Variants in NSMCE2 observed in about 807,000 individuals in gnomAD.
NSMCE2 encodes the protein NSE2 SUMO ligase component of SMC5/6 complex.
A neutral mutation model predicts 23.8 loss-of-function variants in NSMCE2; 24 were observed. The observed-to-expected ratio is 1.01, with a 90% CI of 0.73 to 1.42. The LOEUF is 1.42. Ranked by LOEUF, NSMCE2 falls within the 40% of genes most tolerant of loss-of-function variation. NSMCE2 has a pLI of 0.00. For synonymous variants in NSMCE2, 92 were observed against 94.1 expected (o/e 0.98, Z 0.13); for missense variants, 284 against 296.5 (o/e 0.96, Z 0.31).
At chr8:125,297,645 A>G (rs1195712271) in intron 5 of NSMCE2, among the ~76,000 whole-genome samples, 1 of 152,012 alleles carries the variant, frequency 6.6e-6, no homozygotes, top group Non-Finnish European at 1.5e-5. Context: ...AGCCTAGGCA[A>G]CAAAGTGAGA....
At chr8:125,199,690 G>A (rs1823781020) in intron 5 of NSMCE2, among the ~76,000 whole-genome samples, 1 of 152,150 alleles carries the variant, frequency 6.6e-6, no homozygotes. Flanking sequence ...TGTCTATTAG[G>A]TCTGCTTGGT....
At chr8:125,354,765 G>C (rs79078490) in intron 5 of NSMCE2, among the ~76,000 whole-genome samples, 4,891 of 152,238 alleles carry the variant, frequency 0.032, 113 homozygotes, top group African/African-American at 0.07. Context: ...CAGAATCCCT[G>C]TGTTGCAATT....
At chr8:125,304,495 G>A (rs537562701) in intron 5 of NSMCE2, among the ~76,000 whole-genome samples, 7 of 152,296 alleles carry the variant, frequency 4.6e-5, no homozygotes, top group African/African-American at 1.4e-4. Flanking sequence ...CAATGGTTTA[G>A]ACAAAGATGA....
chr8:125,217,034 G>T (rs1322884567), intron 5 of NSMCE2, among the ~76,000 whole-genome samples: 1 of 152,162 alleles, frequency 6.6e-6, no homozygotes, highest in Admixed American at 6.5e-5. Context: ...ATTCCACAAA[G>T]ATTTATTAAG....
chr8:125,293,044 A>G (rs1037230696), intron 5 of NSMCE2, among the ~76,000 whole-genome samples: 4 of 152,226 alleles, frequency 2.6e-5, no homozygotes, highest in Non-Finnish European at 5.9e-5. Flanking sequence ...CTGATACCAT[A>G]TGCTCTTGTC....
chr8:125,274,998 TGA>T (rs1827388854), intron 5 of NSMCE2, among the ~76,000 whole-genome samples: 1 of 36,138 alleles, frequency 2.8e-5, no homozygotes, highest in Non-Finnish European at 6.6e-5. Context: ...AATCTGAAGA[TGA>T]TAATAATAAT....
intron 5 of NSMCE2, among the ~76,000 whole-genome samples, chr8:125,284,563 T>A (rs1379350871): frequency 6.6e-6 from 1 of 152,246 alleles, no homozygotes; most frequent in Admixed American, 6.5e-5. Flanking sequence ...GTTCTTTCTC[T>A]GATTTCTCAC....
At chr8:125,356,416 A>G (rs575876952) in intron 5 of NSMCE2, among the ~76,000 whole-genome samples, 1 of 148,046 alleles carries the variant, frequency 6.8e-6, no homozygotes, top group South Asian at 2.1e-4. Context: ...GCAACCTCCA[A>G]CTTCTGGGTT....
At chr8:125,127,971 T>C (rs1226685073) in intron 3 of NSMCE2, among the ~76,000 whole-genome samples, 1 of 152,232 alleles carries the variant, frequency 6.6e-6, no homozygotes, top group African/African-American at 2.4e-5. Context: ...TGTGGTGTCA[T>C]GTCAGCGCTC....
chr8:125,194,261 C>A (rs566518988), intron 5 of NSMCE2, among the ~76,000 whole-genome samples: 4 of 152,150 alleles, frequency 2.6e-5, no homozygotes, highest in Non-Finnish European at 5.9e-5. Context: ...CTCCTCCCCC[C>A]ATTCCCAGCC....
chr8:125,276,303 A>G (rs1439354457), intron 5 of NSMCE2, among the ~76,000 whole-genome samples: 1 of 152,070 alleles, frequency 6.6e-6, no homozygotes, highest in African/African-American at 2.4e-5. Flanking sequence ...TCCCACTCTG[A>G]TTTGCTTCCA....
At chr8:125,198,261 G>C (rs903450032) in intron 5 of NSMCE2, among the ~76,000 whole-genome samples, 3 of 152,138 alleles carry the variant, frequency 2.0e-5, no homozygotes, top group African/African-American at 7.2e-5. Flanking sequence ...GCCTTATCTT[G>C]TGCCGGTTTT....
At chr8:125,288,655 G>A (rs1827989108) in intron 5 of NSMCE2, among the ~76,000 whole-genome samples, 1 of 152,040 alleles carries the variant, frequency 6.6e-6, no homozygotes, top group African/African-American at 2.4e-5. Flanking sequence ...CATTCTTATA[G>A]ACTTATTTCA....
chr8:125,364,233 C>T (rs190553160), intron 7 of NSMCE2, among the ~76,000 whole-genome samples: 6 of 152,226 alleles, frequency 3.9e-5, no homozygotes, highest in African/African-American at 7.2e-5. Flanking sequence ...TGTGAGCCAC[C>T]GTGCCTGGCC....
intron 3 of NSMCE2, among the ~76,000 whole-genome samples, chr8:125,118,891 A>G (rs138761520): frequency 7.7e-4 from 118 of 152,348 alleles, no homozygotes; most frequent in African/African-American, 2.7e-3. Flanking sequence ...CATATGAATC[A>G]TAAGTATTTA....
At chr8:125,207,703 C>T (rs553862649) in intron 5 of NSMCE2, among the ~76,000 whole-genome samples, 1 of 152,320 alleles carries the variant, frequency 6.6e-6, no homozygotes, top group South Asian at 2.1e-4. Flanking sequence ...TGGGGTTTAG[C>T]TGGGTGAGTC....
chr8:125,143,232 A>C (rs1820479568), intron 3 of NSMCE2, among the ~76,000 whole-genome samples: 1 of 152,118 alleles, frequency 6.6e-6, no homozygotes, highest in South Asian at 2.1e-4. Context: ...GTGGGGTCAG[A>C]GGTATGCTTG....
chr8:125,184,932 C>CAG (rs1288450637), intron 5 of NSMCE2, among the ~76,000 whole-genome samples: 1 of 151,986 alleles, frequency 6.6e-6, no homozygotes, highest in African/African-American at 2.4e-5. Flanking sequence ...AAATAGAGGC[C>CAG]AGAGAGAGAG....
chr8:125,177,878 G>A (rs772450199), intron 4 of NSMCE2, among the ~76,000 whole-genome samples: 19 of 151,762 alleles, frequency 1.3e-4, no homozygotes, highest in African/African-American at 3.9e-4. Context: ...TTCTAGCTTC[G>A]TACTAGGTAA....
Sources: allele counts gnomAD v4.1 joint callset (sites outside exome capture counted in the v4.1 genomes callset), GRCh38; gene constraint gnomAD v4.1.1; transcripts MANE v1.5; gene names NCBI Gene and HGNC (gene_info 2026-07-23, HGNC 2026-07-21).